The following RTKN2 variants were observed in gnomAD, a reference collection of about 807,000 sequenced individuals.
RTKN2 encodes rhotekin-2.
A neutral mutation model predicts 71.5 loss-of-function variants in RTKN2; 69 were observed. The observed-to-expected ratio is 0.96, with a 90% CI of 0.79 to 1.18. The LOEUF (loss-of-function observed/expected upper bound fraction) is 1.18. Among genes scored for constraint, RTKN2 ranks in the 50% most tolerant of loss-of-function variants. RTKN2 has a pLI of 0.00. For missense variants in RTKN2, 724 were observed against 719.7 expected (o/e 1.01, Z -0.07); for synonymous variants, 236 against 236.5 (o/e 1.00, Z 0.02).
rs886102496 is a variant in RTKN2 at position 62,197,424 on chromosome 10, T to C, written c.*484A>G. On this transcript the variant is annotated 3_prime_UTR_variant, in exon 12 of 12. Transcript: ENST00000373789. ...CAATAGATGAGAGCCAGTGAACCAT[T>C]AGATGAGAATTCCAGAATGCTAAGA... The C allele has an allele frequency of 3.0e-6, 3 of 986,610 alleles. No homozygotes were observed. The highest frequency in any genetic ancestry group is 1.7e-5 in the African/African-American group (1 of 57,234). The allele number at this position is 986,610 out of a possible 1,614,324, so 61.1% of individuals were successfully genotyped here. A position where few individuals can be genotyped will look rare whatever the true frequency, so the allele number is the denominator to read the frequency against.
In RTKN2 at chr10:62,196,953, T is replaced by C. The variant is rs1039159634; in HGVS notation, c.*955A>G. On this transcript the variant is annotated 3_prime_UTR_variant, in exon 12 of 12. Transcript: ENST00000373789. ...TTCCAATGTCACTGTTGTAAGAATA[T>C]GACATTTAATGAAAAATACCACTAG... 2.0e-6 allele frequency: 2 copies of C among 978,362 alleles called. No individual in the cohort carries two copies. The highest frequency in any genetic ancestry group is 1.8e-5 in the African/African-American group (1 of 56,970). The allele number at this position is 978,362 out of a possible 1,614,324, so 60.6% of individuals were successfully genotyped here. A position where few individuals can be genotyped will look rare whatever the true frequency, so the allele number is the denominator to read the frequency against.
intron 6 of RTKN2, among the ~76,000 whole-genome samples, chr10:62,227,166 A>T (rs578242996): frequency 1.1e-4 from 16 of 152,326 alleles, no homozygotes; most frequent in African/African-American, 3.6e-4. Flanking sequence ...AGGGGAGGAG[A>T]ATGTATAAAT....
intron 9 of RTKN2, among the ~76,000 whole-genome samples, chr10:62,213,472 C>A (rs1841703538): frequency 6.6e-6 from 1 of 152,090 alleles, no homozygotes; most frequent in African/African-American, 2.4e-5. Flanking sequence ...GATGCATAAT[C>A]CCTGAATAAT....
chr10:62,251,406 G>A (rs1015090275), intron 2 of RTKN2, among the ~76,000 whole-genome samples: 1 of 152,132 alleles, frequency 6.6e-6, no homozygotes, highest in Non-Finnish European at 1.5e-5. Flanking sequence ...TATTATCTGT[G>A]GTTTCAGGAA....
intron 6 of RTKN2, among the ~76,000 whole-genome samples, chr10:62,230,205 C>T (rs1254150588): frequency 6.6e-6 from 1 of 152,026 alleles, no homozygotes; most frequent in Non-Finnish European, 1.5e-5. Flanking sequence ...GAGTCTCTCT[C>T]TTGTTGCCCA....
intron 2 of RTKN2, among the ~76,000 whole-genome samples, chr10:62,259,999 GA>G (rs1187736395): frequency 6.6e-6 from 1 of 152,048 alleles, no homozygotes; most frequent in Non-Finnish European, 1.5e-5. Flanking sequence ...ATTCTTCTTT[GA>G]AAAAGTCTAG....
In RTKN2 at chr10:62,236,223, ACACTTCCACC is replaced by A; in HGVS notation, c.519_528del (p.Lys173AsnfsTer11). On this transcript the variant is annotated frameshift_variant, in exon 6 of 12. Coordinates refer to ENST00000373789, the MANE Select transcript of RTKN2 (RefSeq NM_145307.4). LOFTEE classifies it high-confidence loss of function. ...GAAGATTCTTCTGTACAGCAACTAT[ACACTTCCACC>A]TTTATCTGAAAGTCTGGCCCTGCTT... The A allele has an allele frequency of 1.9e-6, 3 of 1,612,068 alleles. No homozygotes were observed. Among genetic ancestry groups the A allele is most frequent in the Non-Finnish European group, 2.5e-6 (3 of 1,178,686 alleles).
At chr10:62,218,363 C>G in intron 7 of RTKN2, 62 bp from the exon 8 acceptor site, 3 of 1,090,614 alleles carry the variant, frequency 2.8e-6, no homozygotes, top group Non-Finnish European at 4.0e-6. Context: ...TTAAGGTCAT[C>G]ATACATTTTG....
intron 6 of RTKN2, among the ~76,000 whole-genome samples, chr10:62,233,541 T>C (rs977234297): frequency 2.0e-5 from 3 of 152,050 alleles, no homozygotes; most frequent in African/African-American, 4.8e-5. Context: ...GATTCACGGG[T>C]CATGAAATCA....
At chr10:62,223,822 T>C (rs975442548) in intron 6 of RTKN2, among the ~76,000 whole-genome samples, 5 of 152,150 alleles carry the variant, frequency 3.3e-5, no homozygotes, top group African/African-American at 1.2e-4. Flanking sequence ...CTCTGATATA[T>C]ACCCAAAAGA....
intron 3 of RTKN2, among the ~76,000 whole-genome samples, chr10:62,242,832 T>G (rs945279843): frequency 2.4e-4 from 36 of 152,128 alleles, no homozygotes; most frequent in African/African-American, 8.4e-4. Context: ...GGGTTCACCA[T>G]GTAGGCCAGG....
chr10:62,249,318 C>T (rs1310774583), intron 2 of RTKN2, among the ~76,000 whole-genome samples: 2 of 149,040 alleles, frequency 1.3e-5, no homozygotes, highest in East Asian at 4.0e-4. Flanking sequence ...TTTTACAAAG[C>T]CAAATAAAGC....
chr10:62,195,655 G>GA lies in RTKN2; in HGVS notation c.*2252dup, dbSNP rs1299696831. 1.2e-6 allele frequency: 1 copy of GA among 829,142 alleles called. No individual in the cohort carries two copies. The highest frequency in any genetic ancestry group is 1.4e-6 in the Non-Finnish European group (1 of 694,360). The allele number at this position is 829,142 out of a possible 1,614,324, so 51.4% of individuals were successfully genotyped here. A position where few individuals can be genotyped will look rare whatever the true frequency, so the allele number is the denominator to read the frequency against. ...GGAAGGAAGGAAGGAAGGAAGGAAG[G>GA]AAGGAAGGAAGGAAGGAAACCAACT... On this transcript the variant is annotated 3_prime_UTR_variant, in exon 12 of 12. Coordinates refer to ENST00000373789, the MANE Select transcript of RTKN2 (RefSeq NM_145307.4).
rs764517814 is a variant in RTKN2, at chr10:62,193,903, G to A, written c.*4005C>T. 1.0e-6 allele frequency: 1 copy of A among 981,546 alleles called. No individual in the cohort carries two copies. Among genetic ancestry groups the A allele is most frequent in the African/African-American group, 1.8e-5 (1 of 57,116 alleles). 60.8% of individuals were successfully genotyped at this position (981,546 alleles called of 1,614,324 possible). A position where few individuals can be genotyped will look rare whatever the true frequency, so the allele number is the denominator to read the frequency against. On this transcript the variant is annotated 3_prime_UTR_variant, in exon 12 of 12. Transcript: ENST00000373789. ...TATAATAATTAGCACCAGCTACTTG[G>A]TATGTCTTTTTCTGATTAAACTGAT...
chr10:62,188,110 T>C (rs564641508), downstream of RTKN2, among the ~76,000 whole-genome samples: 242 of 152,294 alleles, frequency 1.6e-3, no homozygotes, highest in African/African-American at 5.6e-3. Flanking sequence ...GTTAAAACAA[T>C]ATGCATTCAT....
At chr10:62,189,007 C>G (rs1197244308), downstream of RTKN2, among the ~76,000 whole-genome samples, 1 of 150,808 alleles carries the variant, frequency 6.6e-6, no homozygotes. Flanking sequence ...GTCGGCCTCC[C>G]AAAGTGCTGG....
Position 62,200,381 on chromosome 10 carries a change from A to G in RTKN2, c.1187-520T>C, listed in dbSNP as rs566178391. Among the ~76,000 whole-genome samples the G allele has an allele frequency of 7.1e-3, 1,061 of 150,380 alleles. 9 individuals are homozygous for G. The highest frequency in any genetic ancestry group is 0.024 in the African/African-American group (999 of 40,802). The stretch of plus-strand genomic sequence containing the variant: ...CCGTCTCAAAAAAAAAAAAAAAAAA[A>G]AAAAAGAAAAAAGAAAAAGAAGTAC... On this transcript the variant is annotated intron_variant, in intron 10 of 11. Transcript: ENST00000373789.
At chr10:62,186,757 TTCTGACACTGGAACTAAACCCTA>T (rs1267051896) in intron 8 of RTKN2, among the ~76,000 whole-genome samples, 2 of 152,096 alleles carry the variant, frequency 1.3e-5, no homozygotes, top group Non-Finnish European at 2.9e-5. Flanking sequence ...CATTTTTTTT[TTCTGACACTGGAACTAAACCCTA>T]TGAATAAATC....
At chr10:62,227,710 G>A (rs1210831503) in intron 6 of RTKN2, among the ~76,000 whole-genome samples, 2 of 152,164 alleles carry the variant, frequency 1.3e-5, no homozygotes, top group African/African-American at 2.4e-5. Flanking sequence ...GCTGTGTGGA[G>A]AACAGACTAC....
Sources: allele counts gnomAD v4.1 joint callset (sites outside exome capture counted in the v4.1 genomes callset), GRCh38; gene constraint gnomAD v4.1.1; transcripts MANE v1.5; gene names NCBI Gene and HGNC (gene_info 2026-07-23, HGNC 2026-07-21).